ZNF451: variants seen among roughly 807,000 people sequenced by gnomAD.
The protein encoded by ZNF451 is E3 SUMO-protein ligase ZNF451.
Under a neutral mutation model 107.1 loss-of-function variants are expected in ZNF451, and 80 were observed. That is an observed-to-expected ratio of 0.75 (90% confidence interval 0.62 to 0.90). ZNF451 has a LOEUF of 0.90. ZNF451 is among the 40% of genes least tolerant of loss of function. The probability of loss-of-function intolerance (pLI) is 0.00; values close to 1 mark genes in which losing one functional copy is unlikely to be tolerated. For missense variants in ZNF451, 1,107 were observed against 1,236.2 expected, an observed-to-expected ratio of 0.90 and a Z score of 1.57; for synonymous variants, 362 against 406.5, an observed-to-expected ratio of 0.89 and a Z score of 1.32.
chr6:57,135,284 A>G (rs1831375473), intron 7 of ZNF451, among the ~76,000 whole-genome samples: 1 of 152,178 alleles, frequency 6.6e-6, no homozygotes, highest in Non-Finnish European at 1.5e-5. Context: ...TTAAAAAGCT[A>G]TGTCATATAA....
At chr6:57,115,849 T>TA (rs1830340788) in intron 3 of ZNF451, among the ~76,000 whole-genome samples, 1 of 152,196 alleles carries the variant, frequency 6.6e-6, no homozygotes, top group Non-Finnish European at 1.5e-5. Flanking sequence ...CCTTTAATAT[T>TA]ATGTGTTTTA....
intron 14 of ZNF451, among the ~76,000 whole-genome samples, chr6:57,162,579 T>C (rs1367116640): frequency 3.3e-5 from 5 of 152,308 alleles, no homozygotes; most frequent in Admixed American, 6.5e-5. Context: ...GAAAGAACTT[T>C]TGTGCGTTTT....
intron 3 of ZNF451, chr6:57,099,444 T>G (rs1829481681): frequency 1.4e-6 from 1 of 716,188 alleles, no homozygotes; most frequent in East Asian, 2.7e-5. Context: ...CCTCTTTCCC[T>G]TCTCTTTTCC....
chr6:57,104,108 C>G, intron 3 of ZNF451: 1 of 984,694 alleles, frequency 1.0e-6, no homozygotes, highest in Non-Finnish European at 1.2e-6. Flanking sequence ...GTATTTTACT[C>G]AAAATTTTAT....
chr6:57,096,330 G>A (rs111602222), intron 2 of ZNF451, among the ~76,000 whole-genome samples: 32 of 151,192 alleles, frequency 2.1e-4, no homozygotes, highest in African/African-American at 7.8e-4. Flanking sequence ...AATTAGAGGC[G>A]CCCACCACCA....
At chr6:57,125,929 C>G (rs941475125) in intron 4 of ZNF451, among the ~76,000 whole-genome samples, 3 of 152,046 alleles carry the variant, frequency 2.0e-5, no homozygotes, top group Admixed American at 2.0e-4. Flanking sequence ...CCCCACCCCC[C>G]TAGAACTATA....
chr6:57,099,176 T>G, intron 3 of ZNF451, 35 bp downstream of exon 3: 2 of 1,504,152 alleles, frequency 1.3e-6, no homozygotes. Flanking sequence ...GTTTCTTCAC[T>G]TGTGTCTTTT....
At chr6:57,153,780 G>C in intron 12 of ZNF451, 81 bp from the exon 13 acceptor site, 3 of 1,384,722 alleles carry the variant, frequency 2.2e-6, no homozygotes, top group Non-Finnish European at 3.0e-6. Flanking sequence ...TCCTAGGCAT[G>C]TGTTCATTCT....
At chr6:57,092,706 A>G (rs1035589394) in intron 2 of ZNF451, 1 of 152,206 alleles carries the variant, frequency 6.6e-6, no homozygotes, top group Non-Finnish European at 1.5e-5. Flanking sequence ...CAGATAAAAA[A>G]TGAGTATTGT....
intron 3 of ZNF451, among the ~76,000 whole-genome samples, chr6:57,110,299 C>G (rs1256566814): frequency 6.6e-6 from 1 of 152,088 alleles, no homozygotes; most frequent in Non-Finnish European, 1.5e-5. Context: ...GTACTGGTTC[C>G]TACATATTCA....
chr6:57,138,033 T>C (rs79759404), intron 7 of ZNF451, among the ~76,000 whole-genome samples: 21,480 of 152,232 alleles, frequency 0.14, 1,598 homozygotes, highest in Middle Eastern at 0.18. Flanking sequence ...TTTCTACTTT[T>C]TGGCTGTTAC....
intron 7 of ZNF451, among the ~76,000 whole-genome samples, chr6:57,138,032 T>G (rs1314034891): frequency 2.0e-5 from 3 of 152,226 alleles, no homozygotes; most frequent in Non-Finnish European, 4.4e-5. Flanking sequence ...GTTTCTACTT[T>G]TTGGCTGTTA....
chr6:57,111,380 T>G (rs1472993532), intron 3 of ZNF451, among the ~76,000 whole-genome samples: 4 of 151,554 alleles, frequency 2.6e-5, no homozygotes, highest in Non-Finnish European at 4.4e-5. Context: ...TGTTTTTTTT[T>G]TTTTGTTTTT....
At chr6:57,095,399 C>T (rs546083113) in intron 2 of ZNF451, among the ~76,000 whole-genome samples, 10 of 140,338 alleles carry the variant, frequency 7.1e-5, no homozygotes, top group African/African-American at 2.7e-4. Context: ...GTGGCGTAAT[C>T]ATAGCTCACT....
intron 3 of ZNF451, among the ~76,000 whole-genome samples, chr6:57,111,105 G>C (rs1291213967): frequency 6.6e-6 from 1 of 151,930 alleles, no homozygotes; most frequent in Non-Finnish European, 1.5e-5. Flanking sequence ...ATTTTTAGTA[G>C]AGATGGGGTT....
chr6:57,148,666 G>A lies in ZNF451; in HGVS notation c.2581G>A (p.Glu861Lys). Residue 861 changes from glutamate (E) to lysine (K), a missense_variant, in exon 10 of 15, where the codon GAG becomes AAG. This residue lies in a region of ZNF451 where 608 missense variants were observed against 649.2 expected (regional missense o/e 0.94). Transcript: ENST00000370706. ...SKSLDMEKGV[E>K]NDLSYQNIEE... is the part of the protein sequence containing the mutation. ...AAGTTTAGACATGGAGAAAGGAGTT[G>A]AGAATGACCTAAGCTATCAGAATAT... 6.2e-7 allele frequency: 1 copy of A among 1,612,078 alleles called. No homozygotes were observed. Among genetic ancestry groups the A allele is most frequent in the Non-Finnish European group, 8.5e-7 (1 of 1,179,206 alleles).
chr6:57,096,880 A>G (rs141758330), intron 2 of ZNF451, among the ~76,000 whole-genome samples: 98 of 148,384 alleles, frequency 6.6e-4, no homozygotes, highest in African/African-American at 2.1e-3. Context: ...GGTTCAAGCA[A>G]TTCATCTGCC....
At chr6:57,161,463 A>G (rs1277806834) in intron 14 of ZNF451, among the ~76,000 whole-genome samples, 1 of 152,082 alleles carries the variant, frequency 6.6e-6, no homozygotes, top group Non-Finnish European at 1.5e-5. Context: ...TTGAATAGGT[A>G]TGGCACAGAC....
At chr6:57,134,412 G>A (rs1831332152) in intron 6 of ZNF451, among the ~76,000 whole-genome samples, 1 of 152,156 alleles carries the variant, frequency 6.6e-6, no homozygotes, top group African/African-American at 2.4e-5. Flanking sequence ...GAGTCTTATG[G>A]TAACCAAGGC....
Sources: allele counts gnomAD v4.1 joint callset (sites outside exome capture counted in the v4.1 genomes callset), GRCh38; gene constraint gnomAD v4.1.1; regional missense constraint gnomAD v4.1.1; transcripts MANE v1.5; gene names NCBI Gene and HGNC (gene_info 2026-07-23, HGNC 2026-07-21).